CLRN2: variants seen among roughly 807,000 people sequenced by gnomAD.
The protein encoded by CLRN2 is clarin 2.
CLRN2 carries 17 observed loss-of-function variants against 20.1 expected under a neutral mutation model. That is an observed-to-expected ratio of 0.85 (90% confidence interval 0.58 to 1.27). CLRN2 has a LOEUF of 1.27. Among genes scored for constraint, CLRN2 ranks in the 50% most tolerant of loss-of-function variants. The pLI, the probability that CLRN2 is intolerant of heterozygous loss-of-function variation, is 0.00. For missense variants in CLRN2, 288 were observed against 299.5 expected (o/e 0.96, Z 0.28); for synonymous variants, 140 against 126.9 (o/e 1.10, Z -0.70).
Position 17,515,447 on chromosome 4 carries a change from A to C in CLRN2, c.181A>C (p.Ile61Leu). ...DRELVKFIGD[I>L]YYGLFRGCKV... ...AGAGCTGGTCAAGTTCATTGGGGAC[A>C]TTTACTACGGGCTCTTCCGAGGGTG... Residue 61 changes from isoleucine (I) to leucine (L), a missense_variant, in exon 1 of 3, where the codon ATT (isoleucine) becomes CTT (leucine). Coordinates refer to ENST00000511148, the MANE Select transcript of CLRN2 (RefSeq NM_001079827.2). The C allele has an allele frequency of 6.2e-7, 1 of 1,613,842 alleles. No individual in the cohort carries two copies. The highest frequency in any genetic ancestry group is 8.5e-7 in the Non-Finnish European group (1 of 1,179,860).
At chr4:17,518,061 G>GAA (rs5856427) in intron 1 of CLRN2, among the ~76,000 whole-genome samples, 1 of 147,134 alleles carries the variant, frequency 6.8e-6, no homozygotes. Flanking sequence ...TCCATCTGTA[G>GAA]AAAAAAAAAA....
chr4:17,522,899 C>T lies in CLRN2; in HGVS notation c.289C>T (p.Leu97Phe). The T allele has an allele frequency of 1.2e-6, 2 of 1,614,000 alleles. No homozygotes were observed. Among genetic ancestry groups the T allele is most frequent in the Non-Finnish European group, 1.7e-6 (2 of 1,179,886 alleles). The change falls in exon 2 of 3, where the codon CTT (leucine) becomes TTT (phenylalanine). Residue 97 changes from leucine (L) to phenylalanine (F), a missense_variant. Physicochemically the swap from Leu to Phe is conservative, Grantham distance 22. Coordinates refer to ENST00000511148, the MANE Select transcript of CLRN2 (RefSeq NM_001079827.2). ...CCTGGTGAAGGAGCTCAACGCAGGCCTTCATGTGATGATTCTGCTGCTCCT... is the reference window on the plus strand; with the variant it reads ...CCTGGTGAAGGAGCTCAACGCAGGCTTTCATGTGATGATTCTGCTGCTCCT... ...PHLVKELNAGLHVMILLLLFL... is the reference protein window; with the variant it reads ...PHLVKELNAGFHVMILLLLFL...
At chr4:17,519,482 C>T (rs1331333766) in intron 1 of CLRN2, among the ~76,000 whole-genome samples, 2 of 152,154 alleles carry the variant, frequency 1.3e-5, no homozygotes, top group African/African-American at 4.8e-5. Flanking sequence ...TTTCACTTCT[C>T]CGAGCCTCAG....
chr4:17,523,240 G>A (rs1404496155), intron 2 of CLRN2, among the ~76,000 whole-genome samples, 197 bp downstream of exon 2: 1 of 150,660 alleles, frequency 6.6e-6, no homozygotes, highest in Non-Finnish European at 1.5e-5. Context: ...TTTGAGACAG[G>A]GTCTCACTTT....
intron 2 of CLRN2, among the ~76,000 whole-genome samples, chr4:17,525,707 C>G (rs148050835): frequency 6.6e-6 from 1 of 151,856 alleles, no homozygotes; most frequent in African/African-American, 2.4e-5. Context: ...TGTAACAACA[C>G]GTAAAAATGT....
chr4:17,521,997 G>A (rs1430574381), intron 1 of CLRN2, among the ~76,000 whole-genome samples: 8 of 152,150 alleles, frequency 5.3e-5, no homozygotes, highest in Non-Finnish European at 2.9e-5. Flanking sequence ...GGCTCTTTCA[G>A]GGTCACATTT....
chr4:17,525,955 A>G (rs1333338928), intron 2 of CLRN2, among the ~76,000 whole-genome samples: 4 of 152,146 alleles, frequency 2.6e-5, no homozygotes, highest in Admixed American at 2.6e-4. Context: ...ATTAATTAAA[A>G]TTGAAACCAG....
chr4:17,522,766 C>T, intron 1 of CLRN2, 98 bp from the exon 2 acceptor site: 1 of 1,323,670 alleles, frequency 7.6e-7, no homozygotes, highest in Admixed American at 1.9e-5. Flanking sequence ...CTTGCCCTCA[C>T]CCCTGTCTGT....
chr4:17,515,616 C>T, intron 1 of CLRN2, 97 bp downstream of exon 1: 3 of 1,371,766 alleles, frequency 2.2e-6, no homozygotes, highest in Non-Finnish European at 3.0e-6. Flanking sequence ...GCTGCTGCCT[C>T]AACGTCAGGC....
In CLRN2 at chr4:17,523,007, G is replaced by C. The variant is rs777976596; in HGVS notation, c.397G>C (p.Gly133Arg). ...CCAGGTCCCGTACCGGGCAGTCAGC[G>C]GTCCTGGGGGCATCTGCCTATGGAA... ...MIQVPYRAVS[G>R]PGGICLWNVL... Residue 133 changes from glycine (G) to arginine (R), a missense_variant, in exon 2 of 3, where the codon GGT (glycine) becomes CGT (arginine). By Grantham distance (125) the Gly-to-Arg change is moderately radical. Transcript: ENST00000511148. The C allele has an allele frequency of 6.2e-6, 10 of 1,613,436 alleles. No individual in the cohort carries two copies. The South Asian group carries it at 1.1e-4, about 18-fold the overall frequency.
At chr4:17,522,828 T>G in intron 1 of CLRN2, 36 bp from the exon 2 acceptor site, 2 of 1,599,908 alleles carry the variant, frequency 1.3e-6, no homozygotes, top group Non-Finnish European at 1.7e-6. Context: ...AGTCTAACTC[T>G]GACATTGAAA....
At chr4:17,518,617 C>G (rs982583605) in intron 1 of CLRN2, among the ~76,000 whole-genome samples, 1 of 151,994 alleles carries the variant, frequency 6.6e-6, no homozygotes, top group Non-Finnish European at 1.5e-5. Context: ...AAAAATTAGC[C>G]GGGCGTGGTG....
At chr4:17,518,684 T>C (rs1232576308) in intron 1 of CLRN2, among the ~76,000 whole-genome samples, 1 of 151,616 alleles carries the variant, frequency 6.6e-6, no homozygotes, top group African/African-American at 2.4e-5. Context: ...TCACTTGAAC[T>C]TGGGAGGTGG....
chr4:17,520,074 C>T (rs1358928957), intron 1 of CLRN2, among the ~76,000 whole-genome samples: 1 of 152,014 alleles, frequency 6.6e-6, no homozygotes, highest in African/African-American at 2.4e-5. Flanking sequence ...AGGTCCTGAG[C>T]CCTGTGTTAT....
intron 2 of CLRN2, 104 bp downstream of exon 2, chr4:17,523,147 G>T: frequency 1.1e-6 from 1 of 871,328 alleles, no homozygotes; most frequent in Non-Finnish European, 1.7e-6. Flanking sequence ...CCCCACTGGA[G>T]CCTTGACCTT....
chr4:17,523,126 G>T, intron 2 of CLRN2, 83 bp downstream of exon 2: 1 of 1,197,166 alleles, frequency 8.4e-7, no homozygotes, highest in South Asian at 1.7e-5. Context: ...AGGTGTGAAG[G>T]AACTAAAATG....
rs369026851 is a variant in CLRN2, at chr4:17,526,839, C to T, written c.456C>T (p.Ile152=). ...CAGGCGGCGTCGTGGCGTTAGCCAT[C>T]GCCAGCTTCGTGGCTGCGGTGAAAT... ...VLAGGVVALA[I]ASFVAAVKFH... The change falls in exon 3 of 3, where the codon ATC becomes ATT. Residue 152 remains isoleucine, a synonymous_variant. Coordinates refer to ENST00000511148, the MANE Select transcript of CLRN2 (RefSeq NM_001079827.2). 3.3e-5 allele frequency: 53 copies of T among 1,613,918 alleles called. No homozygotes were observed. Among genetic ancestry groups the T allele is most frequent in the Non-Finnish European group, 4.1e-5 (48 of 1,179,908 alleles).
chr4:17,516,500 T>A (rs1163734433), intron 1 of CLRN2, among the ~76,000 whole-genome samples: 1 of 152,182 alleles, frequency 6.6e-6, no homozygotes, highest in Non-Finnish European at 1.5e-5. Flanking sequence ...TTTATAGAAA[T>A]CTGGCCAAGG....
intron 2 of CLRN2, among the ~76,000 whole-genome samples, chr4:17,523,906 C>T (rs1711896798): frequency 6.6e-6 from 1 of 151,064 alleles, no homozygotes; most frequent in Non-Finnish European, 1.5e-5. Context: ...TTCACTGCAC[C>T]ATGCCCTTAA....
Sources: allele counts gnomAD v4.1 joint callset (sites outside exome capture counted in the v4.1 genomes callset), GRCh38; gene constraint gnomAD v4.1.1; transcripts MANE v1.5; gene names NCBI Gene and HGNC (gene_info 2026-07-23, HGNC 2026-07-21).